Variants in SASH1 observed in about 807,000 individuals in gnomAD.
SASH1 encodes SAM and SH3 domain containing 1, also known as SAM and SH3 domain-containing protein 1.
A neutral mutation model predicts 125.2 loss-of-function variants in SASH1; 44 were observed. That is an observed-to-expected ratio of 0.35 (90% CI 0.28 to 0.45). The LOEUF is 0.45. Among genes scored for constraint, SASH1 ranks in the 20% least tolerant of loss-of-function variants. SASH1 has a pLI of 1.00. For synonymous variants in SASH1, 639 were observed against 649.1 expected, an observed-to-expected ratio of 0.98 and a Z score of 0.24; for missense variants, 1,426 against 1,614.5, an observed-to-expected ratio of 0.88 and a Z score of 2.00.
chr6:148,392,755 G>A (rs993738498), intron 2 of SASH1, among the ~76,000 whole-genome samples: 1 of 152,214 alleles, frequency 6.6e-6, no homozygotes, highest in Non-Finnish European at 1.5e-5. Flanking sequence ...TCATCCAGGG[G>A]CTGACAGCCA....
intron 1 of SASH1, among the ~76,000 whole-genome samples, chr6:148,332,460 G>T (rs189537546): frequency 3.3e-5 from 5 of 151,926 alleles, no homozygotes; most frequent in African/African-American, 1.2e-4. Flanking sequence ...TGTTGTTGTC[G>T]TCTGTAACAA....
chr6:148,264,176 C>CAAAA, the SASH1 span, among the ~76,000 whole-genome samples: 8 of 52,384 alleles, frequency 1.5e-4, 1 homozygote, highest in African/African-American at 2.6e-4. Context: ...TTATTTTGAC[C>CAAAA]GAAAAAAAAA....
intron 8 of SASH1, among the ~76,000 whole-genome samples, chr6:148,488,844 C>A (rs564320571): frequency 6.6e-6 from 1 of 152,186 alleles, no homozygotes; most frequent in Non-Finnish European, 1.5e-5. Flanking sequence ...TGTTAGCTTG[C>A]AGGGGTTCTT....
intron 4 of SASH1, among the ~76,000 whole-genome samples, chr6:148,445,254 GC>G: frequency 6.6e-6 from 1 of 152,242 alleles, no homozygotes; most frequent in African/African-American, 2.4e-5. Flanking sequence ...AGAATGCCTA[GC>G]CTTCTGGGAA....
chr6:148,505,049 C>T (rs79711924), intron 8 of SASH1, among the ~76,000 whole-genome samples: 111 of 152,298 alleles, frequency 7.3e-4, no homozygotes, highest in African/African-American at 2.6e-3. Context: ...TCACATGGAA[C>T]GAGGGCTTCC....
In SASH1 at chr6:148,544,034, C is replaced by G. The variant is rs985205701; in HGVS notation, c.2564C>G (p.Thr855Ser). ...VEPGAEQDVP[T>S]EVTEPPPQIV... ...CCTGGTGCTGAGCAAGACGTGCCTACCGAGGTGACAGAACCGCCCCCTCAG... is the reference window on the plus strand; with the variant it reads ...CCTGGTGCTGAGCAAGACGTGCCTAGCGAGGTGACAGAACCGCCCCCTCAG... The change falls in exon 18 of 20, where the codon ACC becomes AGC. Residue 855 changes from threonine to serine, a missense_variant. Physicochemically the swap from Thr to Ser is moderately conservative, Grantham distance 58. Around this residue, in one of 3 missense-constraint regions of SASH1, gnomAD observed 634 missense variants for 694.4 expected, o/e 0.91. Transcript: ENST00000367467. The surrounding 1 kb of genome is among the most constrained non-coding windows in gnomAD (Gnocchi z 6.4). 3.7e-6 allele frequency: 6 copies of G among 1,614,016 alleles called. No individual in the cohort carries two copies. Among genetic ancestry groups the G allele is most frequent in the Non-Finnish European group, 5.1e-6 (6 of 1,180,046 alleles).
the SASH1 span, among the ~76,000 whole-genome samples, chr6:148,223,135 C>T: frequency 2.3e-4 from 33 of 145,760 alleles, no homozygotes; most frequent in Middle Eastern, 3.4e-3. Flanking sequence ...GGAGAGGCAG[C>T]GGAGCATGGT....
chr6:148,355,753 C>A (rs1456579202), intron 1 of SASH1, among the ~76,000 whole-genome samples: 3 of 152,154 alleles, frequency 2.0e-5, no homozygotes, highest in African/African-American at 7.2e-5. Flanking sequence ...ATCCCTTAAT[C>A]TAAGAAGTGC....
chr6:148,262,597 A>G, the SASH1 span, among the ~76,000 whole-genome samples: 1 of 152,136 alleles, frequency 6.6e-6, no homozygotes, highest in African/African-American at 2.4e-5. Flanking sequence ...AAAAAGTTCA[A>G]TGAAGGCCGG....
At chr6:148,237,270 C>T in the SASH1 span, among the ~76,000 whole-genome samples, 1 of 152,038 alleles carries the variant, frequency 6.6e-6, no homozygotes, top group Admixed American at 6.6e-5. Flanking sequence ...GATGACTGAG[C>T]TGTCAGCCTA....
intron 2 of SASH1, among the ~76,000 whole-genome samples, chr6:148,439,554 G>A (rs898079434): frequency 3.9e-5 from 6 of 152,104 alleles, no homozygotes; most frequent in African/African-American, 7.2e-5. Context: ...TGAGGGGGGC[G>A]GATCATGAGG....
chr6:148,304,584 T>A (rs567052682), intron 1 of SASH1, among the ~76,000 whole-genome samples: 2 of 152,176 alleles, frequency 1.3e-5, no homozygotes, highest in South Asian at 4.1e-4. Context: ...CACTCCAGCA[T>A]GGGCGACAGA....
At chr6:148,486,837 G>A (rs1001223467) in intron 7 of SASH1, among the ~76,000 whole-genome samples, 2 of 146,346 alleles carry the variant, frequency 1.4e-5, no homozygotes, top group African/African-American at 2.5e-5. Context: ...GGGTGGGATC[G>A]CTTGAGCCTG....
chr6:148,454,450 A>T (rs1027745105), intron 4 of SASH1, among the ~76,000 whole-genome samples: 5 of 152,232 alleles, frequency 3.3e-5, no homozygotes, highest in African/African-American at 1.2e-4. Context: ...CGGCTGTTCT[A>T]AATTGTCAAG....
intron 1 of SASH1, among the ~76,000 whole-genome samples, chr6:148,378,629 A>C (rs78132605): frequency 0.05 from 7,524 of 151,290 alleles, 640 homozygotes; most frequent in African/African-American, 0.18. Flanking sequence ...TGTGATTATC[A>C]GCGTGAGCCA....
intron 4 of SASH1, among the ~76,000 whole-genome samples, chr6:148,464,547 G>C (rs1777751567): frequency 6.6e-6 from 1 of 152,170 alleles, no homozygotes; most frequent in South Asian, 2.1e-4. Context: ...GCTGACGTCT[G>C]AGCATTAATT....
At chr6:148,246,498 A>AG in the SASH1 span, among the ~76,000 whole-genome samples, 1 of 152,248 alleles carries the variant, frequency 6.6e-6, no homozygotes, top group Non-Finnish European at 1.5e-5. Flanking sequence ...GATTCATCCC[A>AG]GGACTCATTT....
At chr6:148,381,596 C>G (rs1783134514) in intron 1 of SASH1, among the ~76,000 whole-genome samples, 1 of 145,670 alleles carries the variant, frequency 6.9e-6, no homozygotes, top group Non-Finnish European at 1.5e-5. Flanking sequence ...AAGCGAACTC[C>G]ATCAGTGCCT....
At chr6:148,245,666 G>A in the SASH1 span, among the ~76,000 whole-genome samples, 2 of 152,226 alleles carry the variant, frequency 1.3e-5, no homozygotes, top group South Asian at 4.1e-4. Context: ...TTTGGGTTGG[G>A]TTTGGTTGCC....
Sources: gnomAD v4.1 joint callset for allele counts (sites outside exome capture counted in the v4.1 genomes callset) on GRCh38, gnomAD v4.1.1 for gene constraint, gnomAD v4.1.1 regional missense constraint, Gnocchi (gnomAD v3.1) non-coding constraint, MANE v1.5 for transcripts, NCBI Gene and HGNC (gene_info 2026-07-23, HGNC 2026-07-21) for gene names.